MDGA2: variants seen among roughly 807,000 people sequenced by gnomAD.
MDGA2 encodes MAM domain-containing glycosylphosphatidylinositol anchor protein 2.
MDGA2 carries 40 observed loss-of-function variants against 117.8 expected under a neutral mutation model. The ratio of observed to expected loss-of-function variants is 0.34; its 90% CI spans 0.26 to 0.44. MDGA2 has a LOEUF of 0.44. Among genes scored for constraint, MDGA2 ranks in the 20% least tolerant of loss-of-function variants. The pLI, the probability that MDGA2 is intolerant of heterozygous loss-of-function variation, is 1.00. For synonymous variants in MDGA2, 452 were observed against 439.0 expected (o/e 1.03, Z -0.37); for missense variants, 1,123 against 1,250.6 (o/e 0.90, Z 1.54).
rs564225794 is a variant in MDGA2 at position 47,654,247 on chromosome 14, A to C, written c.280+20270T>G. On this transcript the variant is annotated intron_variant, in intron 1 of 16. Coordinates refer to ENST00000399232, the MANE Select transcript of MDGA2 (RefSeq NM_001113498.3). ...AAGGGTGCAAATTAGGAAAATAAAG[A>C]GCCCTAGAGATAACAAAATCTAGTT... Among the ~76,000 whole-genome samples the C allele has an allele frequency of 3.3e-5, 5 of 152,248 alleles. No homozygotes were observed. In the South Asian group the frequency reaches 8.3e-4, roughly 25 times the overall value.
intron 6 of MDGA2, among the ~76,000 whole-genome samples, chr14:47,074,468 T>C (rs199752143): frequency 1.3e-5 from 2 of 152,112 alleles, no homozygotes; most frequent in East Asian, 3.9e-4. Context: ...GCCCGGCTAA[T>C]TTTTTCTATT....
intron 1 of MDGA2, among the ~76,000 whole-genome samples, chr14:47,459,111 G>T (rs1893426567): frequency 6.6e-6 from 1 of 151,792 alleles, no homozygotes; most frequent in Non-Finnish European, 1.5e-5. Context: ...AACATTTTAT[G>T]CTGGAAATAC....
chr14:47,161,458 G>A (rs1019216076), intron 3 of MDGA2, among the ~76,000 whole-genome samples: 10 of 151,696 alleles, frequency 6.6e-5, no homozygotes, highest in Non-Finnish European at 1.3e-4. Flanking sequence ...TTCTATTATG[G>A]TTAGAACTTA....
intron 2 of MDGA2, among the ~76,000 whole-genome samples, chr14:47,254,808 T>A (rs576761096): frequency 6.6e-6 from 1 of 152,278 alleles, no homozygotes; most frequent in Admixed American, 6.5e-5. Context: ...CAAGACTGGG[T>A]AATTTATAAA....
chr14:47,332,318 C>T (rs1890316032), intron 1 of MDGA2, among the ~76,000 whole-genome samples: 1 of 152,018 alleles, frequency 6.6e-6, no homozygotes, highest in Admixed American at 6.6e-5. Flanking sequence ...ACTGGCCTTA[C>T]TCCAGTCACT....
intron 6 of MDGA2, among the ~76,000 whole-genome samples, chr14:47,069,691 T>C (rs1325573437): frequency 6.6e-6 from 1 of 152,212 alleles, no homozygotes. Flanking sequence ...GCTGCCCATG[T>C]TAGAACATGA....
At chr14:47,572,134 C>G (rs1274378129) in intron 1 of MDGA2, among the ~76,000 whole-genome samples, 5 of 152,182 alleles carry the variant, frequency 3.3e-5, no homozygotes, top group African/African-American at 9.7e-5. Flanking sequence ...TATTCAATCC[C>G]ATCCCTTGCT....
intron 15 of MDGA2, 59 bp downstream of exon 15, chr14:46,854,965 T>G: frequency 2.2e-6 from 3 of 1,370,684 alleles, no homozygotes; most frequent in South Asian, 1.5e-5. Context: ...TTGCTCAAGA[T>G]CCACCTTTAA....
chr14:47,508,713 A>G (rs1424659119), intron 1 of MDGA2, among the ~76,000 whole-genome samples: 4 of 151,986 alleles, frequency 2.6e-5, no homozygotes, highest in African/African-American at 9.7e-5. Flanking sequence ...AGAGTCTCAC[A>G]CTGTCGCCCA....
chr14:47,530,046 T>C (rs534699221), intron 1 of MDGA2, among the ~76,000 whole-genome samples: 1 of 152,206 alleles, frequency 6.6e-6, no homozygotes, highest in Non-Finnish European at 1.5e-5. Context: ...GTGCATGATG[T>C]GCTTCCCCCT....
At chr14:46,864,550 T>TG (rs1881654706) in intron 14 of MDGA2, among the ~76,000 whole-genome samples, 1 of 34,920 alleles carries the variant, frequency 2.9e-5, no homozygotes, top group Non-Finnish European at 5.2e-5. Context: ...TTGCTGTTTT[T>TG]TTTTTTTTTT....
intron 3 of MDGA2, among the ~76,000 whole-genome samples, chr14:47,163,308 A>G (rs1416755522): frequency 6.6e-6 from 1 of 152,120 alleles, no homozygotes; most frequent in Non-Finnish European, 1.5e-5. Flanking sequence ...TGCGCATGGC[A>G]AGGTTTGGCT....
Position 47,097,076 on chromosome 14 carries a change from G to C in MDGA2, c.973C>G (p.Pro325Ala). 6.2e-7 allele frequency: 1 copy of C among 1,613,190 alleles called. No individual in the cohort carries two copies. Among genetic ancestry groups the C allele is most frequent in the Non-Finnish European group, 8.5e-7 (1 of 1,179,386 alleles). The change falls in exon 6 of 17, where the codon CCT becomes GCT. Residue 325 changes from proline (P) to alanine (A), a missense_variant. Transcript: ENST00000399232. ...CATACTAATGTTATGGCCTCTCCAG[G>C]ATTTACAACTATAGGATCATCCACC... ...LLVDDPIVVN[P>A]GEAITLVCVT...
intron 1 of MDGA2, among the ~76,000 whole-genome samples, chr14:47,662,012 C>G (rs1394886965): frequency 6.6e-6 from 1 of 152,100 alleles, no homozygotes; most frequent in Non-Finnish European, 1.5e-5. Context: ...GCTGGGATTA[C>G]AGGAGTGAGC....
chr14:46,950,251 TCTA>T, intron 9 of MDGA2, among the ~76,000 whole-genome samples: 1 of 151,974 alleles, frequency 6.6e-6, no homozygotes, highest in African/African-American at 2.4e-5. Context: ...CTATATTTTA[TCTA>T]GATTGATTAT....
chr14:46,950,184 T>G (rs1280012496), intron 9 of MDGA2, among the ~76,000 whole-genome samples: 2 of 151,902 alleles, frequency 1.3e-5, no homozygotes, highest in Non-Finnish European at 2.9e-5. Context: ...AGCATTAACT[T>G]CATTAAGTGA....
intron 1 of MDGA2, among the ~76,000 whole-genome samples, chr14:47,562,398 T>C (rs899656013): frequency 6.6e-6 from 1 of 152,172 alleles, no homozygotes; most frequent in East Asian, 1.9e-4. Flanking sequence ...GCAGGCTTTT[T>C]ATTACTGATT....
At chr14:46,887,662 G>C (rs1595022384) in intron 10 of MDGA2, among the ~76,000 whole-genome samples, 1 of 151,918 alleles carries the variant, frequency 6.6e-6, no homozygotes, top group East Asian at 1.9e-4. Context: ...TTTCAGATAA[G>C]CATGCATAGT....
At chr14:46,908,036 G>A (rs2933186) in intron 10 of MDGA2, among the ~76,000 whole-genome samples, 152,089 of 152,300 alleles carry the variant, frequency 1, 75,939 homozygotes, top group Middle Eastern at 1. Context: ...AAGTCCCCAC[G>A]AAGAGACAAT....
Sources: allele counts gnomAD v4.1 joint callset (sites outside exome capture counted in the v4.1 genomes callset), GRCh38; gene constraint gnomAD v4.1.1; transcripts MANE v1.5; gene names NCBI Gene and HGNC (gene_info 2026-07-23, HGNC 2026-07-21).